Variants in RNF19A observed in about 807,000 individuals in gnomAD.
The protein encoded by RNF19A is E3 ubiquitin-protein ligase RNF19A.
RNF19A carries 32 observed loss-of-function variants against 75.7 expected under a neutral mutation model. The observed-to-expected ratio is 0.42, with a 90% CI of 0.32 to 0.57. RNF19A has a LOEUF of 0.57. RNF19A is among the 20% of genes least tolerant of loss of function. The pLI is 0.10. For missense variants in RNF19A, 782 were observed against 1,036.3 expected, an observed-to-expected ratio of 0.75 and a Z score of 3.37; for synonymous variants, 335 against 345.2, an observed-to-expected ratio of 0.97 and a Z score of 0.33.
rs1024465033 is a variant in RNF19A at position 100,289,509 on chromosome 8, G to A, written c.-93-1242C>T. Among the ~76,000 whole-genome samples, 6 of 152,084 alleles carry A rather than the reference G, an allele frequency of 3.9e-5. No individual in the cohort carries two copies. In the South Asian group the frequency reaches 6.2e-4, roughly 16 times the overall value. ...ACAATCCAATAGAAAAACGGGCAGG[G>A]GACTTAACAGGCATTTCACAAAAGG... On this transcript the variant is annotated intron_variant, in intron 1 of 9. Transcript: ENST00000341084.
At chr8:100,305,570 A>G (rs1156415459) in intron 1 of RNF19A, among the ~76,000 whole-genome samples, 1 of 152,226 alleles carries the variant, frequency 6.6e-6, no homozygotes. Flanking sequence ...AAAATTTTAA[A>G]TTATATTTGT....
intron 1 of RNF19A, among the ~76,000 whole-genome samples, chr8:100,296,942 T>C (rs1344807556): frequency 1.3e-5 from 2 of 152,200 alleles, no homozygotes; most frequent in African/African-American, 2.4e-5. Context: ...ATTATGTGGA[T>C]AGATGGCCGG....
intron 1 of RNF19A, among the ~76,000 whole-genome samples, chr8:100,303,960 ATTTATT>A (rs1407775178): frequency 1.7e-4 from 26 of 151,846 alleles, no homozygotes; most frequent in African/African-American, 5.6e-4. Flanking sequence ...TTATTTATTT[ATTTATT>A]TTTATTTTTG....
At chr8:100,327,057 G>A (rs781754661) in intron 1 of RNF19A, among the ~76,000 whole-genome samples, 16 of 152,018 alleles carry the variant, frequency 1.1e-4, no homozygotes, top group South Asian at 2.1e-4. Context: ...TATGTGGATT[G>A]TCTTCCAGGT....
rs1460603787 is a variant in RNF19A, at chr8:100,264,012, T to A, written c.1468+22A>T. On this transcript the variant is annotated intron_variant, in intron 7 of 9. Coordinates refer to ENST00000341084, the MANE Select transcript of RNF19A (RefSeq NM_183419.4). This position sits in a 1 kb window ranked among gnomAD's most constrained non-coding sequence, Gnocchi z 4.7. ...TTACACTGTTAATAAGCACATTTTC[T>A]TCCTTTGCTTAAAGGACTTACCTAC... is the stretch of plus-strand genomic sequence containing the variant. 6.2e-7 allele frequency: 1 copy of A among 1,600,616 alleles called. No homozygotes were observed. Among genetic ancestry groups the A allele is most frequent in the Admixed American group, 1.7e-5 (1 of 58,306 alleles).
intron 1 of RNF19A, among the ~76,000 whole-genome samples, chr8:100,316,277 C>T (rs1007447290): frequency 1.3e-5 from 2 of 152,008 alleles, no homozygotes; most frequent in Non-Finnish European, 2.9e-5. Context: ...GCAGCGTGGA[C>T]CCAAAGGGTG....
upstream of RNF19A, chr8:100,310,237 C>G: frequency 1.0e-6 from 1 of 985,148 alleles, no homozygotes; most frequent in Non-Finnish European, 1.2e-6. Flanking sequence ...CTGCGGGCGG[C>G]TCTGGACGCG....
At chr8:100,303,042 A>G (rs777891370) in intron 1 of RNF19A, 3 of 152,238 alleles carry the variant, frequency 2.0e-5, no homozygotes, top group Admixed American at 6.5e-5. Flanking sequence ...GATATAAAAC[A>G]ACGATAATTA....
In RNF19A at chr8:100,329,082, T is replaced by C. The variant is rs1211811059; in HGVS notation, c.-243+7026A>G. Reference sequence around the variant, plus strand: ...GTGCCTCCAGATCTGTCCTGGCTGCTACCCTTTAATTTGATATAGGAGAGG... The same window carrying C: ...GTGCCTCCAGATCTGTCCTGGCTGCCACCCTTTAATTTGATATAGGAGAGG... On this transcript the variant is annotated intron_variant, in intron 1 of 3. Coordinates refer to the RNF19A transcript ENST00000519527. This position sits in a 1 kb window ranked among gnomAD's most constrained non-coding sequence, Gnocchi z 4.3. Among the ~76,000 whole-genome samples the C allele has an allele frequency of 6.6e-6, 1 of 152,186 alleles. No homozygotes were observed. The highest frequency in any genetic ancestry group is 2.4e-5 in the African/African-American group (1 of 41,444).
chr8:100,270,088 T>A, intron 3 of RNF19A, 75 bp from the exon 4 acceptor site: 1 of 1,240,198 alleles, frequency 8.1e-7, no homozygotes, highest in African/African-American at 1.5e-5. Context: ...TTACCAATTG[T>A]AGCACTGTCA....
At chr8:100,286,136 A>G (rs561319296) in intron 2 of RNF19A, among the ~76,000 whole-genome samples, 7 of 152,288 alleles carry the variant, frequency 4.6e-5, no homozygotes, top group African/African-American at 1.7e-4. Context: ...AATCGCATCT[A>G]AGCTGTTTTT....
At chr8:100,267,762 C>T (rs930465679) in intron 5 of RNF19A, among the ~76,000 whole-genome samples, 4 of 151,666 alleles carry the variant, frequency 2.6e-5, no homozygotes, top group Non-Finnish European at 5.9e-5. Flanking sequence ...CCGCAACCTC[C>T]ACCTCCCAGG....
rs536738211 is a variant in RNF19A at position 100,316,470 on chromosome 8, T to C, written c.-242-3098A>G. Among the ~76,000 whole-genome samples the C allele has an allele frequency of 2.0e-5, 3 of 152,230 alleles. No homozygotes were observed. In the East Asian group the frequency reaches 5.8e-4, roughly 29 times the overall value. ...TTTTGACAGGGTGCTGATTGGTGCC[T>C]TTACAATCCCTGAGCTAGATATAAA... On this transcript the variant is annotated intron_variant, in intron 1 of 3. Transcript: ENST00000519527.
Position 100,275,212 on chromosome 8 carries a change from C to A in RNF19A, c.675-51G>T. ...AAAATGTGACATAAAACAAGAGATA[C>A]TCATTTCAAAAAGTATCCAACTAAA... On this transcript the variant is annotated intron_variant, in intron 2 of 9. Coordinates refer to ENST00000341084, the MANE Select transcript of RNF19A (RefSeq NM_183419.4). This position sits in a 1 kb window ranked among gnomAD's most constrained non-coding sequence, Gnocchi z 4.3. 6.6e-7 allele frequency: 1 copy of A among 1,509,118 alleles called. No individual in the cohort carries two copies. Among genetic ancestry groups the A allele is most frequent in the Non-Finnish European group, 9.2e-7 (1 of 1,090,732 alleles). The allele number at this position is 1,509,118 out of a possible 1,614,324, so 93.5% of individuals were successfully genotyped here.
upstream of RNF19A, chr8:100,310,031 G>C: frequency 2.0e-6 from 2 of 985,500 alleles, no homozygotes; most frequent in Non-Finnish European, 2.4e-6. Flanking sequence ...CCCGACGGCC[G>C]CTTTCCCGAA....
intron 1 of RNF19A, among the ~76,000 whole-genome samples, chr8:100,289,751 C>G (rs924001555): frequency 6.6e-6 from 1 of 152,116 alleles, no homozygotes; most frequent in East Asian, 1.9e-4. Context: ...AATTGGAACA[C>G]AGAGATGCCC....
In RNF19A at chr8:100,261,682, A is replaced by G; in HGVS notation, c.1542T>C (p.Ser514=). 3 of 1,613,904 alleles carry G rather than the reference A, an allele frequency of 1.9e-6. No homozygotes were observed. The highest frequency in any genetic ancestry group is 2.5e-6 in the Non-Finnish European group (3 of 1,179,964). The change falls in exon 8 of 10, where the codon AGT becomes AGC. Residue 514 remains serine, a synonymous_variant. Coordinates refer to ENST00000341084, the MANE Select transcript of RNF19A (RefSeq NM_183419.4). The surrounding 1 kb of genome is among the most constrained non-coding windows in gnomAD (Gnocchi z 4.4). ...GEGSVGGLTG[S]LSASGSHMDR... Reference sequence around the variant, plus strand: ...CCATGTGGCTTCCACTTGCACTCAAACTGCCAGTCAGCCCACCAACACTTC... The same window carrying G: ...CCATGTGGCTTCCACTTGCACTCAAGCTGCCAGTCAGCCCACCAACACTTC...
chr8:100,281,570 AC>A (rs1339547450), intron 2 of RNF19A, among the ~76,000 whole-genome samples: 2 of 152,222 alleles, frequency 1.3e-5, no homozygotes, highest in African/African-American at 4.8e-5. Context: ...GAAGAAAAAA[AC>A]ATACCTAACA....
Position 100,264,775 on chromosome 8 carries a change from C to A in RNF19A, c.1202G>T (p.Arg401Leu), listed in dbSNP as rs138968684. 3.7e-6 allele frequency: 6 copies of A among 1,611,820 alleles called. No individual in the cohort carries two copies. The African/African-American group carries it at 4.0e-5, about 11-fold the overall frequency. The change falls in exon 6 of 10, where the codon CGC becomes CTC. Residue 401 changes from arginine (R) to leucine (L), a missense_variant. This residue lies in a region of RNF19A where 442 missense variants were observed against 541.6 expected (regional missense o/e 0.82). Transcript: ENST00000341084. The surrounding 1 kb of genome is among the most constrained non-coding windows in gnomAD (Gnocchi z 4.7). ...CTTTGAAACATCCTTGCCTTCATAG[C>A]GATTGTGAATCTTGAATTAATAAAA... ...PVYVGRKIHN[R>L]YEGKDVSKHK...
Sources: allele counts gnomAD v4.1 joint callset (sites outside exome capture counted in the v4.1 genomes callset), GRCh38; gene constraint gnomAD v4.1.1; regional missense constraint gnomAD v4.1.1; non-coding constraint Gnocchi (gnomAD v3.1); transcripts MANE v1.5; gene names NCBI Gene and HGNC (gene_info 2026-07-23, HGNC 2026-07-21).